Variants in LBR observed in about 807,000 individuals in gnomAD.
LBR encodes delta(14)-sterol reductase LBR.
A neutral mutation model predicts 74.3 loss-of-function variants in LBR; 28 were observed. The ratio of observed to expected loss-of-function variants is 0.38; its 90% CI spans 0.28 to 0.52. The LOEUF (loss-of-function observed/expected upper bound fraction) is 0.52. Ranked by LOEUF, LBR falls within the 20% of genes least tolerant of loss-of-function variation. LBR has a pLI of 0.89. For synonymous variants in LBR, 228 were observed against 269.3 expected, an observed-to-expected ratio of 0.85 and a Z score of 1.50; for missense variants, 717 against 760.3, an observed-to-expected ratio of 0.94 and a Z score of 0.67.
chr1:225,415,223 CT>C (rs2150952500), intron 7 of LBR, 54 bp downstream of exon 7: 1 of 1,165,150 alleles, frequency 8.6e-7, no homozygotes, highest in South Asian at 1.3e-5. Context: ...GAGTTTAACA[CT>C]TAGAAGTTTA....
At chr1:225,409,921 C>T (rs993773307) in intron 10 of LBR, among the ~76,000 whole-genome samples, 1 of 152,206 alleles carries the variant, frequency 6.6e-6, no homozygotes, top group Non-Finnish European at 1.5e-5. Flanking sequence ...TATTTAAAAA[C>T]TAGGTGACTC....
At chr1:225,422,028 T>C in intron 3 of LBR, 49 bp downstream of exon 3, 1 of 1,540,978 alleles carries the variant, frequency 6.5e-7, no homozygotes, top group Non-Finnish European at 9.0e-7. Flanking sequence ...TGAGTAAATA[T>C]ATACATAAAG....
chr1:225,411,540 C>T, intron 8 of LBR, 100 bp from the exon 9 acceptor site: 1 of 838,628 alleles, frequency 1.2e-6, no homozygotes, highest in South Asian at 1.4e-5. Context: ...AATTCCACTG[C>T]CTGCAAGACC....
chr1:225,412,140 G>C (rs1031358719), intron 8 of LBR, among the ~76,000 whole-genome samples: 6 of 152,168 alleles, frequency 3.9e-5, no homozygotes, highest in African/African-American at 1.4e-4. Flanking sequence ...GTTTTTTAAA[G>C]AGTGTTTACT....
chr1:225,422,941 G>A (rs1211167137), intron 2 of LBR, among the ~76,000 whole-genome samples: 1 of 152,166 alleles, frequency 6.6e-6, no homozygotes, highest in African/African-American at 2.4e-5. Flanking sequence ...TGTCCATAAA[G>A]TTGTACTGGA....
chr1:225,408,117 G>A (rs1364125840), intron 10 of LBR, among the ~76,000 whole-genome samples: 1 of 152,090 alleles, frequency 6.6e-6, no homozygotes, highest in Non-Finnish European at 1.5e-5. Context: ...TAGAATACTA[G>A]AACTTAGAAC....
At chr1:225,426,073 T>C (rs980423614) in intron 1 of LBR, among the ~76,000 whole-genome samples, 1 of 152,234 alleles carries the variant, frequency 6.6e-6, no homozygotes, top group Non-Finnish European at 1.5e-5. Context: ...GTTAGGTCTC[T>C]AAAGCTTACT....
chr1:225,404,305 TCA>T, intron 13 of LBR, 97 bp downstream of exon 13: 1 of 1,542,822 alleles, frequency 6.5e-7, no homozygotes, highest in Admixed American at 1.7e-5. Context: ...ACAAAAAGAC[TCA>T]CACCCACCTT....
At chr1:225,424,238 A>G (rs2096134744) in intron 1 of LBR, 149 bp from the exon 2 acceptor site, 1 of 718,150 alleles carries the variant, frequency 1.4e-6, no homozygotes, top group African/African-American at 1.8e-5. Context: ...TCTCATTTGG[A>G]ATCATTTGAG....
intron 5 of LBR, among the ~76,000 whole-genome samples, chr1:225,418,754 C>G (rs2096122097): frequency 6.6e-6 from 1 of 152,180 alleles, no homozygotes; most frequent in African/African-American, 2.4e-5. Flanking sequence ...CATAAAATTT[C>G]ATCAGTTCCA....
intron 11 of LBR, among the ~76,000 whole-genome samples, chr1:225,406,176 C>T (rs1037763401): frequency 2.0e-5 from 3 of 152,108 alleles, no homozygotes; most frequent in African/African-American, 7.2e-5. Flanking sequence ...CCATATCCTC[C>T]GATAAGTTCA....
At chr1:225,406,959 AAGGGGAGAGAG>A in intron 10 of LBR, 127 bp from the exon 11 acceptor site, 1 of 851,460 alleles carries the variant, frequency 1.2e-6, no homozygotes, top group East Asian at 2.6e-5. Flanking sequence ...TTTTTTGTTA[AAGGGGAGAGAG>A]ATCTGGTTCC....
chr1:225,412,742 A>G (rs569757891), intron 7 of LBR, 97 bp from the exon 8 acceptor site: 5 of 1,132,142 alleles, frequency 4.4e-6, no homozygotes, highest in Non-Finnish European at 6.3e-6. Flanking sequence ...GTTCATTTTT[A>G]AAGTCTTAAT....
intron 7 of LBR, chr1:225,413,872 C>T (rs1468519086): frequency 2.3e-6 from 1 of 438,024 alleles, no homozygotes; most frequent in Non-Finnish European, 4.7e-6. Context: ...TCCAAGAGCT[C>T]CATGTCCAAG....
At chr1:225,406,171 TC>T (rs1374206566) in intron 11 of LBR, among the ~76,000 whole-genome samples, 2 of 152,034 alleles carry the variant, frequency 1.3e-5, no homozygotes, top group African/African-American at 4.8e-5. Context: ...GAACACCATA[TC>T]CTCCGATAAG....
intron 6 of LBR, 131 bp from the exon 7 acceptor site, chr1:225,415,463 A>G: frequency 3.3e-6 from 2 of 605,578 alleles, no homozygotes; most frequent in Non-Finnish European, 5.9e-6. Context: ...ATCTTGTAAC[A>G]TGGAAATTTA....
chr1:225,417,905 C>A, intron 6 of LBR, 79 bp downstream of exon 6: 1 of 1,325,656 alleles, frequency 7.5e-7, no homozygotes, highest in Non-Finnish European at 1.1e-6. Flanking sequence ...ATCACTTGAT[C>A]CCAGAAATTG....
chr1:225,415,383 T>C (rs2096115089), intron 6 of LBR, 51 bp from the exon 7 acceptor site: 2 of 913,686 alleles, frequency 2.2e-6, no homozygotes, highest in South Asian at 1.4e-5. Flanking sequence ...CCATCATATA[T>C]ACATATATAC....
chr1:225,422,246 C>T lies in LBR; in HGVS notation c.197G>A (p.Gly66Asp), dbSNP rs2096128958. The T allele has an allele frequency of 6.2e-7, 1 of 1,613,516 alleles. No individual in the cohort carries two copies. Among genetic ancestry groups the T allele is most frequent in the Admixed American group, 1.7e-5 (1 of 59,986 alleles). ...PLTSFRQRKGGSTSSSPSRRR... is the reference protein window; with the variant it reads ...PLTSFRQRKGDSTSSSPSRRR... Reference sequence around the variant, plus strand: ...TCTGGAAGGGGAACTGGAAGTTGAGCCACCTTTCCTTTGCCTAAAGGAAGT... The same window carrying T: ...TCTGGAAGGGGAACTGGAAGTTGAGTCACCTTTCCTTTGCCTAAAGGAAGT... Residue 66 changes from glycine to aspartate, a missense_variant, in exon 3 of 14, where the codon GGC becomes GAC. By Grantham distance (94) the Gly-to-Asp change is moderately conservative. Transcript: ENST00000272163.
Sources: allele counts gnomAD v4.1 joint callset (sites outside exome capture counted in the v4.1 genomes callset), GRCh38; gene constraint gnomAD v4.1.1; transcripts MANE v1.5; gene names NCBI Gene and HGNC (gene_info 2026-07-23, HGNC 2026-07-21).